MID2: variants seen among roughly 807,000 people sequenced by gnomAD.
MID2 encodes midline 2.
In MID2, 13 loss-of-function variants were observed where a neutral mutation model predicts 46.1. That is an observed-to-expected ratio of 0.28 (90% CI 0.18 to 0.45). The LOEUF (loss-of-function observed/expected upper bound fraction) is 0.45. Ranked by LOEUF, MID2 falls within the 20% of genes least tolerant of loss-of-function variation. The pLI, the probability that MID2 is intolerant of heterozygous loss-of-function variation, is 1.00. For synonymous variants in MID2, 199 were observed against 212.3 expected (o/e 0.94, Z 0.55); for missense variants, 431 against 575.4 (o/e 0.75, Z 2.57).
In MID2 at chrX:107,889,938, A is replaced by G. The variant is rs1270244430; in HGVS notation, c.817-14020A>G. ...CTACTGAGGCTTGTGCATTCATCAC[A>G]TAGTTCTCGTGCCATGGTTTTCAGC... is the stretch of plus-strand genomic sequence containing the variant. On this transcript the variant is annotated intron_variant, in intron 3 of 9. Transcript: ENST00000262843. 2.7e-5 allele frequency among the ~76,000 whole-genome samples: 3 copies of G among 111,770 alleles called. No individual in the cohort carries two copies. In the South Asian group the frequency reaches 1.1e-3, roughly 42 times the overall value.
intron 2 of MID2, 109 bp from the exon 3 acceptor site, chrX:107,854,500 A>T (rs1319740404): frequency 1.9e-6 from 1 of 539,184 alleles, no homozygotes; most frequent in East Asian, 3.4e-5. Context: ...TCTTTGAAAC[A>T]TTTGTCTACT....
intron 1 of MID2, 84 bp downstream of exon 1, chrX:107,826,514 A>G: frequency 9.6e-7 from 1 of 1,044,164 alleles, no homozygotes; most frequent in Non-Finnish European, 1.3e-6. Flanking sequence ...GCCGCTTTTC[A>G]GGTGCCGCCG....
chrX:107,926,078 TCTAC>T lies in MID2; in HGVS notation c.1598-15_1598-12del, dbSNP rs1602513101. ...CATAGTGCTTTTTCTTTTTTTTTTT[TCTAC>T]TTATTTTTCAGGCCAACCCTTTAAA... On this transcript the variant is annotated splice_polypyrimidine_tract_variant and intron_variant, in intron 8 of 9. Transcript: ENST00000262843. The T allele has an allele frequency of 1.8e-6, 2 of 1,139,340 alleles. No homozygotes were observed. Among genetic ancestry groups the T allele is most frequent in the African/African-American group, 1.8e-5 (1 of 54,391 alleles). The allele number at this position is 1,139,340 out of a possible 1,213,427, so 93.9% of individuals were successfully genotyped here.
chrX:107,910,658 CA>C (rs1403905476), intron 5 of MID2, among the ~76,000 whole-genome samples: 2 of 102,596 alleles, frequency 1.9e-5, no homozygotes, highest in African/African-American at 3.5e-5. Context: ...TCCTCACCAG[CA>C]CTTATCCTTC....
chrX:107,877,499 A>G (rs1407049283), intron 3 of MID2, among the ~76,000 whole-genome samples: 1 of 111,971 alleles, frequency 8.9e-6, no homozygotes, highest in Non-Finnish European at 1.9e-5. Context: ...GGAGAGAGAA[A>G]GTGAACCTCC....
chrX:107,917,409 T>C (rs1932989077), intron 6 of MID2, 97 bp from the exon 7 acceptor site: 1 of 684,138 alleles, frequency 1.5e-6, no homozygotes, highest in African/African-American at 2.2e-5. Flanking sequence ...AGAAAATCTC[T>C]TCAAGAGATG....
chrX:107,832,142 G>A (rs972235720), intron 1 of MID2, among the ~76,000 whole-genome samples: 2 of 112,251 alleles, frequency 1.8e-5, no homozygotes, highest in African/African-American at 6.5e-5. Context: ...TATTAAGTAG[G>A]CTTTAATAAC....
At chrX:107,826,712 G>A (rs998794597) in intron 1 of MID2, among the ~76,000 whole-genome samples, 43 of 113,279 alleles carry the variant, frequency 3.8e-4, no homozygotes, top group African/African-American at 1.1e-3. Context: ...GGCGGCCGAG[G>A]CCTCTGCGCA....
intron 3 of MID2, chrX:107,895,903 A>T (rs1451772195): frequency 8.9e-6 from 1 of 112,137 alleles, no homozygotes; most frequent in Non-Finnish European, 1.9e-5. Context: ...TGGAGTAGGA[A>T]TCGATTATTT....
chrX:107,834,442 A>G (rs1931161338), intron 1 of MID2, among the ~76,000 whole-genome samples: 2 of 112,111 alleles, frequency 1.8e-5, no homozygotes, highest in Admixed American at 9.5e-5. Flanking sequence ...GTTGCACCCT[A>G]TCAGATTCAC....
chrX:107,854,683 A>G lies in MID2; in HGVS notation c.795A>G (p.Ile265Met). The G allele has an allele frequency of 1.7e-6, 2 of 1,205,806 alleles. No homozygotes were observed. The highest frequency in any genetic ancestry group is 2.2e-6 in the Non-Finnish European group (2 of 890,098). The change falls in exon 3 of 10, where the codon ATA becomes ATG. Residue 265 changes from isoleucine (I) to methionine (M), a missense_variant. Ile to Met is a conservative substitution (Grantham distance 10). Coordinates refer to ENST00000262843, the MANE Select transcript of MID2 (RefSeq NM_012216.4). Reference sequence around the variant, plus strand: ...TAGAAAATCAAATGGCCAAACTAATACAGATCTGCCAGCAGGTTGAGGTAT... The same window carrying G: ...TAGAAAATCAAATGGCCAAACTAATGCAGATCTGCCAGCAGGTTGAGGTAT... Reference protein sequence around the residue: ...SELENQMAKLIQICQQVEVNT... With the variant: ...SELENQMAKLMQICQQVEVNT...
chrX:107,901,757 A>C (rs781224145), intron 3 of MID2, among the ~76,000 whole-genome samples: 8 of 111,814 alleles, frequency 7.2e-5, no homozygotes, highest in African/African-American at 2.6e-4. Flanking sequence ...GAGAAAAATC[A>C]TAGAAGTGAT....
At chrX:107,912,800 A>G (rs930788391) in intron 5 of MID2, among the ~76,000 whole-genome samples, 2 of 110,975 alleles carry the variant, frequency 1.8e-5, no homozygotes, top group Admixed American at 9.6e-5. Context: ...ATGACTATCT[A>G]TGTAGTATGA....
rs1461684257 is a variant in MID2, at chrX:107,830,533, T to C, written c.4+4103T>C. ...CATTGCATCATCAAAATATGAGATG[T>C]AACATGTTGATACTGGATATACAAC... On this transcript the variant is annotated intron_variant, in intron 1 of 9. Coordinates refer to ENST00000262843, the MANE Select transcript of MID2 (RefSeq NM_012216.4). Among the ~76,000 whole-genome samples the C allele has an allele frequency of 6.2e-5, 7 of 112,477 alleles. No homozygotes were observed. In the East Asian group the frequency reaches 1.9e-3, roughly 31 times the overall value.
At chrX:107,887,372 T>C (rs1196510384) in intron 3 of MID2, among the ~76,000 whole-genome samples, 1 of 112,337 alleles carries the variant, frequency 8.9e-6, no homozygotes, top group Non-Finnish European at 1.9e-5. Flanking sequence ...TCTGCATCTA[T>C]TGAGATAATC....
At chrX:107,857,186 T>C (rs1931755761) in intron 3 of MID2, among the ~76,000 whole-genome samples, 1 of 112,127 alleles carries the variant, frequency 8.9e-6, no homozygotes, top group Non-Finnish European at 1.9e-5. Context: ...CTGTCTTTGA[T>C]GACAGGGACC....
At chrX:107,886,510 G>C (rs1356997686) in intron 3 of MID2, among the ~76,000 whole-genome samples, 12 of 112,082 alleles carry the variant, frequency 1.1e-4, no homozygotes, top group Non-Finnish European at 1.9e-4. Context: ...GTACCATGCT[G>C]TTTTGGTTAC....
intron 3 of MID2, among the ~76,000 whole-genome samples, chrX:107,885,335 C>T (rs1363548461): frequency 9.9e-6 from 1 of 100,553 alleles, no homozygotes; most frequent in African/African-American, 3.7e-5. Flanking sequence ...TGTGTTCTCA[C>T]TGTTCAGTTC....
intron 7 of MID2, among the ~76,000 whole-genome samples, chrX:107,918,237 C>G (rs777203342): frequency 9.0e-6 from 1 of 110,928 alleles, no homozygotes; most frequent in Non-Finnish European, 1.9e-5. Context: ...TCACATGTTA[C>G]GGTTTCACTT....
Sources: gnomAD v4.1 joint callset for allele counts (sites outside exome capture counted in the v4.1 genomes callset) on GRCh38, gnomAD v4.1.1 for gene constraint, MANE v1.5 for transcripts, NCBI Gene and HGNC (gene_info 2026-07-23, HGNC 2026-07-21) for gene names.